The following CSMD1 variants were observed in gnomAD, a reference collection of about 807,000 sequenced individuals.
CSMD1 encodes CUB and Sushi multiple domains 1, also known as CUB and sushi domain-containing protein 1.
CSMD1 carries 213 observed loss-of-function variants against 417.5 expected under a neutral mutation model. The ratio of observed to expected loss-of-function variants is 0.51; its 90% CI spans 0.46 to 0.57. The LOEUF (loss-of-function observed/expected upper bound fraction) is 0.57. Ranked by LOEUF, CSMD1 falls within the 20% of genes least tolerant of loss-of-function variation. The probability of loss-of-function intolerance (pLI) is 0.00; values close to 1 mark genes in which losing one functional copy is unlikely to be tolerated. For missense variants in CSMD1, 6,923 were observed against 4,529.7 expected, an observed-to-expected ratio of 1.53 and a Z score of -15.17; for synonymous variants, 2,862 against 1,736.8, an observed-to-expected ratio of 1.65 and a Z score of -16.11.
intron 3 of CSMD1, among the ~76,000 whole-genome samples, chr8:4,342,773 T>A (rs1158739234): frequency 1.3e-5 from 2 of 151,736 alleles, no homozygotes; most frequent in African/African-American, 4.8e-5. Context: ...AGAAAAATAA[T>A]ACAAGCTCAA....
intron 2 of CSMD1, among the ~76,000 whole-genome samples, chr8:4,500,894 A>C (rs191129977): frequency 6.6e-6 from 1 of 152,220 alleles, no homozygotes; most frequent in East Asian, 1.9e-4. Context: ...CTCTGCACTA[A>C]ACAAAGGTGT....
At chr8:3,667,050 C>T (rs563998721) in intron 7 of CSMD1, among the ~76,000 whole-genome samples, 21 of 152,260 alleles carry the variant, frequency 1.4e-4, no homozygotes, top group African/African-American at 4.6e-4. Flanking sequence ...CAGATCCTTT[C>T]ATTCCTTCAT....
intron 3 of CSMD1, among the ~76,000 whole-genome samples, chr8:4,374,330 C>A (rs186190624): frequency 6.6e-6 from 1 of 152,254 alleles, no homozygotes; most frequent in East Asian, 1.9e-4. Context: ...ACAATGTAAT[C>A]TTTTTCTTTA....
chr8:4,645,366 A>G lies in CSMD1; in HGVS notation c.86-7808T>C, dbSNP rs183444538. 6.6e-3 allele frequency among the ~76,000 whole-genome samples: 954 copies of G among 144,306 alleles called. 11 individuals carry two copies. The highest frequency in any genetic ancestry group is 0.023 in the African/African-American group (910 of 39,074). The allele number at this position is 144,306 out of a possible 152,430, so 94.7% of individuals were successfully genotyped here. ...TTTTCACCTACTGAGAAATTGTTGC[A>G]TTAATGGTAATAAAGTCATTCAGTG... On this transcript the variant is annotated intron_variant, in intron 1 of 69. Coordinates refer to ENST00000635120, the MANE Select transcript of CSMD1 (RefSeq NM_033225.6).
chr8:4,478,189 T>C (rs1337642451), intron 2 of CSMD1, among the ~76,000 whole-genome samples: 1 of 152,206 alleles, frequency 6.6e-6, no homozygotes, highest in Admixed American at 6.5e-5. Flanking sequence ...CCTCTTTTTA[T>C]ATTCTTTCAC....
chr8:4,427,535 T>C (rs1270209022), intron 2 of CSMD1, among the ~76,000 whole-genome samples: 1 of 151,816 alleles, frequency 6.6e-6, no homozygotes, highest in East Asian at 1.9e-4. Context: ...ACACACACAG[T>C]GAATCATGTG....
intron 3 of CSMD1, among the ~76,000 whole-genome samples, chr8:4,401,864 T>C (rs1008644757): frequency 2.6e-5 from 4 of 152,028 alleles, no homozygotes; most frequent in Admixed American, 2.6e-4. Flanking sequence ...TCCCCCCAAA[T>C]TCCCAGCTTT....
chr8:4,389,020 C>T (rs958822486), intron 3 of CSMD1, among the ~76,000 whole-genome samples: 1 of 152,210 alleles, frequency 6.6e-6, no homozygotes, highest in African/African-American at 2.4e-5. Flanking sequence ...ACCTAACCAG[C>T]ATTAAGTAAG....
chr8:4,380,944 C>T (rs1803064585), intron 3 of CSMD1, among the ~76,000 whole-genome samples: 1 of 151,862 alleles, frequency 6.6e-6, no homozygotes, highest in Non-Finnish European at 1.5e-5. Context: ...CAACTGATAA[C>T]CTGTGGTTAT....
intron 2 of CSMD1, among the ~76,000 whole-genome samples, chr8:4,493,429 T>C (rs1464836839): frequency 6.6e-6 from 1 of 152,130 alleles, no homozygotes; most frequent in Non-Finnish European, 1.5e-5. Flanking sequence ...GGACTGGTGG[T>C]TCACGCCTGT....
chr8:4,706,461 G>A (rs1173502476), intron 1 of CSMD1, among the ~76,000 whole-genome samples: 1 of 152,130 alleles, frequency 6.6e-6, no homozygotes, highest in Admixed American at 6.6e-5. Context: ...ATTCACAAAT[G>A]TCTCTATAAT....
At chr8:3,969,498 T>G (rs1409097696) in intron 5 of CSMD1, among the ~76,000 whole-genome samples, 1 of 152,122 alleles carries the variant, frequency 6.6e-6, no homozygotes, top group Non-Finnish European at 1.5e-5. Context: ...TTTTCCCCTT[T>G]CCCTTGTACA....
At chr8:4,258,782 G>A (rs1457583537) in intron 3 of CSMD1, among the ~76,000 whole-genome samples, 1 of 152,114 alleles carries the variant, frequency 6.6e-6, no homozygotes, top group Non-Finnish European at 1.5e-5. Flanking sequence ...TGTGTAACCA[G>A]CTGAATATTT....
rs147348853 is a variant in CSMD1 at position 2,981,888 on chromosome 8, T to A, written c.8378-3088A>T. Among the ~76,000 whole-genome samples the A allele has an allele frequency of 3.8e-3, 572 of 152,294 alleles. 1 individual carries two copies. Among genetic ancestry groups the A allele is most frequent in the African/African-American group, 0.013 (535 of 41,556 alleles). On this transcript the variant is annotated intron_variant, in intron 54 of 69. Coordinates refer to ENST00000635120, the MANE Select transcript of CSMD1 (RefSeq NM_033225.6). ...AGCATAATAATAAAAGGCATCAGCA[T>A]TCCTTGGTGACAGGAATCCCAGTTG...
At chr8:3,712,289 T>A (rs1026425440) in intron 6 of CSMD1, among the ~76,000 whole-genome samples, 1 of 152,022 alleles carries the variant, frequency 6.6e-6, no homozygotes, top group East Asian at 1.9e-4. Flanking sequence ...GTTCTCCTCT[T>A]TTCTTCCTTC....
intron 1 of CSMD1, among the ~76,000 whole-genome samples, chr8:4,845,848 G>A (rs1399939881): frequency 6.6e-6 from 1 of 152,152 alleles, no homozygotes; most frequent in African/African-American, 2.4e-5. Context: ...ATTTGTAGCT[G>A]AATTTTTCCC....
At chr8:4,417,652 A>G (rs1797018605) in intron 3 of CSMD1, among the ~76,000 whole-genome samples, 1 of 152,044 alleles carries the variant, frequency 6.6e-6, no homozygotes, top group South Asian at 2.1e-4. Context: ...TGGGTCAAAT[A>G]ACAGGATCCG....
chr8:4,880,732 G>C (rs892377963), intron 1 of CSMD1, among the ~76,000 whole-genome samples: 1 of 151,436 alleles, frequency 6.6e-6, no homozygotes, highest in African/African-American at 2.4e-5. Context: ...ACGTGTCCAT[G>C]ATAAGATGAG....
At chr8:4,265,522 A>T (rs560704842) in intron 3 of CSMD1, among the ~76,000 whole-genome samples, 3 of 105,232 alleles carry the variant, frequency 2.9e-5, no homozygotes, top group African/African-American at 7.8e-5. Flanking sequence ...TTAATAGTAC[A>T]ATTTAAAAAT....
Sources: gnomAD v4.1 joint callset for allele counts (sites outside exome capture counted in the v4.1 genomes callset) on GRCh38, gnomAD v4.1.1 for gene constraint, MANE v1.5 for transcripts, NCBI Gene and HGNC (gene_info 2026-07-23, HGNC 2026-07-21) for gene names.